The following ARHGAP21 variants were observed in gnomAD, a reference collection of about 807,000 sequenced individuals.
ARHGAP21 encodes rho GTPase-activating protein 21.
In ARHGAP21, 38 loss-of-function variants were observed where a neutral mutation model predicts 164.6. That is an observed-to-expected ratio of 0.23 (90% CI 0.18 to 0.30). ARHGAP21 has a LOEUF of 0.30. Among genes scored for constraint, ARHGAP21 ranks in the 10% least tolerant of loss-of-function variants. ARHGAP21 has a pLI of 1.00. For synonymous variants in ARHGAP21, 766 were observed against 857.9 expected (o/e 0.89, Z 1.87); for missense variants, 1,822 against 2,370.7 (o/e 0.77, Z 4.81).
rs768354691 is a variant in ARHGAP21 at position 24,585,544 on chromosome 10, G to A, written c.4745C>T (p.Thr1582Ile). The change falls in exon 26 of 26, where the codon ACC (threonine) becomes ATC (isoleucine). Residue 1582 changes from threonine (T) to isoleucine (I), a missense_variant. Thr to Ile is a moderately conservative substitution (Grantham distance 89). This residue lies in a region of ARHGAP21 where 333 missense variants were observed against 383.9 expected (regional missense o/e 0.87). Transcript: ENST00000396432. Reference protein sequence around the residue: ...KHSEFLANVSTITSDYSTTSS... With the variant: ...KHSEFLANVSIITSDYSTTSS... ...TGTGGTGGAATAATCTGAGGTGATG[G>A]TGCTGACGTTGGCCAAAAACTCGCT... The A allele has an allele frequency of 1.2e-6, 2 of 1,614,216 alleles. No homozygotes were observed. The highest frequency in any genetic ancestry group is 2.2e-5 in the East Asian group (1 of 44,884).
chr10:24,622,433 CAT>C lies in ARHGAP21; in HGVS notation c.525+298_525+299del, dbSNP rs10530408. 7.0e-3 allele frequency among the ~76,000 whole-genome samples: 624 copies of C among 89,012 alleles called. 1 individual carries two copies. Among genetic ancestry groups the C allele is most frequent in the Non-Finnish European group, 9.6e-3 (427 of 44,410 alleles). 58.4% of individuals were successfully genotyped at this position (89,012 alleles called of 152,430 possible). ...GGAAGAGGGTGAGATACTTAAAAAACATATATATATATATATATATATATATA... is the reference window on the plus strand; with the variant it reads ...GGAAGAGGGTGAGATACTTAAAAAACATATATATATATATATATATATATA... On this transcript the variant is annotated intron_variant, in intron 8 of 25. Coordinates refer to ENST00000396432, the MANE Select transcript of ARHGAP21 (RefSeq NM_020824.4).
Position 24,607,530 on chromosome 10 carries a change from C to T in ARHGAP21, c.2653G>A (p.Gly885Ser), listed in dbSNP as rs1490798271. Residue 885 changes from glycine to serine, a missense_variant, in exon 11 of 26, where the codon GGT (glycine) becomes AGT (serine). Transcript: ENST00000396432. ...GCATCTTCTCTGTAATCATCCAGAC[C>T]CTCATCATATGATTTTGATCTTTCT... The part of the protein sequence containing the change: ...KTERSKSYDE[G>S]LDDYREDAKL... The T allele has an allele frequency of 6.2e-7, 1 of 1,613,410 alleles. No individual in the cohort carries two copies. Among genetic ancestry groups the T allele is most frequent in the Non-Finnish European group, 8.5e-7 (1 of 1,179,970 alleles).
chr10:24,585,839 T>C lies in ARHGAP21; in HGVS notation c.4450A>G (p.Ser1484Gly), dbSNP rs2076079847. 6.2e-7 allele frequency: 1 copy of C among 1,613,900 alleles called. No individual in the cohort carries two copies. Among genetic ancestry groups the C allele is most frequent in the Non-Finnish European group, 8.5e-7 (1 of 1,179,904 alleles). Residue 1484 changes from serine to glycine, a missense_variant, in exon 26 of 26, where the codon AGC becomes GGC. By Grantham distance (56) the Ser-to-Gly change is moderately conservative. Transcript: ENST00000396432. ...GATATCTTTTCATCTTTTGTCGTGC[T>C]GGGGTCTTTCCTAGTGCTGTTTTCT... ...AKENSTRKDP[S>G]TTKDEKISLG...
chr10:24,618,530 G>C (rs1834212141), intron 9 of ARHGAP21, among the ~76,000 whole-genome samples: 1 of 152,142 alleles, frequency 6.6e-6, no homozygotes, highest in Admixed American at 6.5e-5. Flanking sequence ...TAAGATCTTT[G>C]AGCAGAGACC....
rs747185272 is a variant in ARHGAP21 at position 24,585,784 on chromosome 10, T to C, written c.4505A>G (p.Glu1502Gly). ...SLGKESTPSE[E>G]PSPPHNSKHN... ...TTTTGAGTTGTGTGGTGGTGAGGGTTCTTCAGAAGGCGTGCTCTCTTTTCC... is the reference window on the plus strand; with the variant it reads ...TTTTGAGTTGTGTGGTGGTGAGGGTCCTTCAGAAGGCGTGCTCTCTTTTCC... Residue 1502 changes from glutamate to glycine, a missense_variant, in exon 26 of 26, where the codon GAA becomes GGA. By Grantham distance (98) the Glu-to-Gly change is moderately conservative. Around this residue, in one of 5 missense-constraint regions of ARHGAP21, gnomAD observed 333 missense variants for 383.9 expected, o/e 0.87. Transcript: ENST00000396432. 4.3e-6 allele frequency: 7 copies of C among 1,613,996 alleles called. No individual in the cohort carries two copies. The Middle Eastern group carries it at 5.0e-4, about 114-fold the overall frequency.
chr10:24,630,004 G>T lies in ARHGAP21; in HGVS notation c.487C>A (p.Leu163Ile). ...GAATAAATAAAACTTACCACTTGGA[G>T]AATGTCTTCATCTTTTGGCATAACA... is the stretch of plus-strand genomic sequence containing the variant. The part of the protein sequence containing the change: ...LSVMPKDEDI[L>I]QVLQFTKDVT... The change falls in exon 7 of 26, where the codon CTC becomes ATC. Residue 163 changes from leucine to isoleucine, a missense_variant. Leu to Ile is a conservative substitution (Grantham distance 5). Around this residue, in one of 5 missense-constraint regions of ARHGAP21, gnomAD observed 1,090 missense variants for 1,378.9 expected, o/e 0.79. Coordinates refer to ENST00000396432, the MANE Select transcript of ARHGAP21 (RefSeq NM_020824.4). 6.4e-7 allele frequency: 1 copy of T among 1,568,232 alleles called. No homozygotes were observed. Among genetic ancestry groups the T allele is most frequent in the Non-Finnish European group, 8.7e-7 (1 of 1,151,930 alleles).
At position 24,606,510 on chromosome 10, in the gene ARHGAP21, G is replaced by A. The variant is rs73606518; in HGVS notation, c.2684+989C>T. Among the ~76,000 whole-genome samples the A allele has an allele frequency of 5.9e-3, 901 of 152,308 alleles. 11 individuals carry two copies. Among genetic ancestry groups the A allele is most frequent in the African/African-American group, 0.02 (829 of 41,560 alleles). ...ATGTATCAAACAATACACTGTGTTAGAGTGTAACAGCAGAGGCTTTTCTAT... is the reference window on the plus strand; with the variant it reads ...ATGTATCAAACAATACACTGTGTTAAAGTGTAACAGCAGAGGCTTTTCTAT... On this transcript the variant is annotated intron_variant, in intron 11 of 25. Coordinates refer to ENST00000396432, the MANE Select transcript of ARHGAP21 (RefSeq NM_020824.4).
intron 2 of ARHGAP21, among the ~76,000 whole-genome samples, chr10:24,687,490 A>C (rs1325909677): frequency 6.6e-6 from 1 of 152,248 alleles, no homozygotes; most frequent in Non-Finnish European, 1.5e-5. Flanking sequence ...CAGTGAGTGC[A>C]TATAGCACAT....
In ARHGAP21 at chr10:24,721,868, T is replaced by C. The variant is rs767912407; in HGVS notation, c.32A>G (p.Glu11Gly). The C allele has an allele frequency of 4.3e-6, 7 of 1,614,094 alleles. No homozygotes were observed. The East Asian group carries it at 1.6e-4, about 36-fold the overall frequency. The stretch of plus-strand genomic sequence containing the variant: ...GGCCTTGAGCTTGTCACCATCTCCC[T>C]CAGACAGACCAGTCCGACGCGTGGC... MMATRRTGLS[E>G]GDGDKLKACE... The change falls in exon 2 of 26, where the codon GAG (glutamate) becomes GGG (glycine). Residue 11 changes from glutamate to glycine, a missense_variant. Coordinates refer to ENST00000396432, the MANE Select transcript of ARHGAP21 (RefSeq NM_020824.4).
intron 7 of ARHGAP21, chr10:24,628,880 T>TAC (rs1554977620): frequency 1.7e-5 from 2 of 119,204 alleles, no homozygotes; most frequent in African/African-American, 3.4e-5. Flanking sequence ...CATACATATA[T>TAC]ACACATATAT....
In ARHGAP21 at chr10:24,584,803, T is replaced by A. The variant is rs927008596; in HGVS notation, c.5486A>T (p.Glu1829Val). 7.4e-6 allele frequency: 12 copies of A among 1,613,832 alleles called. No homozygotes were observed. The African/African-American group carries it at 1.6e-4, about 22-fold the overall frequency. Residue 1829 changes from glutamate (E) to valine (V), a missense_variant, in exon 26 of 26, where the codon GAA (glutamate) becomes GTA (valine). Coordinates refer to ENST00000396432, the MANE Select transcript of ARHGAP21 (RefSeq NM_020824.4). ...WKVHEQSGER[E>V]SELSAVNRLK... Reference sequence around the variant, plus strand: ...CCGGTTTACAGCTGAAAGTTCAGATTCTCTCTCCCCGCTCTGCTCATGCAC... The same window carrying A: ...CCGGTTTACAGCTGAAAGTTCAGATACTCTCTCCCCGCTCTGCTCATGCAC...
intron 7 of ARHGAP21, among the ~76,000 whole-genome samples, chr10:24,626,368 A>T (rs1835140015): frequency 6.6e-6 from 1 of 152,094 alleles, no homozygotes; most frequent in Non-Finnish European, 1.5e-5. Flanking sequence ...GAGTTAGGAG[A>T]TGGGGCCTCT....
chr10:24,669,480 T>TA (rs1284678208), intron 3 of ARHGAP21, among the ~76,000 whole-genome samples: 5 of 152,340 alleles, frequency 3.3e-5, no homozygotes, highest in African/African-American at 1.2e-4. Flanking sequence ...TACTATTGTG[T>TA]AATAGTTCAG....
chr10:24,722,451 A>G (rs1309479135), intron 1 of ARHGAP21, 172 bp from the exon 2 acceptor site: 2 of 155,702 alleles, frequency 1.3e-5, no homozygotes, highest in Non-Finnish European at 2.9e-5. Context: ...AAAAAGAGAA[A>G]TCTCGAAACT....
At chr10:24,607,432 A>ATT in intron 11 of ARHGAP21, 67 bp downstream of exon 11, 1 of 1,299,344 alleles carries the variant, frequency 7.7e-7, no homozygotes, top group Non-Finnish European at 1.1e-6. Flanking sequence ...TTCTGAACTT[A>ATT]TGTGTCAAGG....
At chr10:24,606,357 G>A (rs1407911115) in intron 11 of ARHGAP21, among the ~76,000 whole-genome samples, 1 of 151,912 alleles carries the variant, frequency 6.6e-6, no homozygotes, top group African/African-American at 2.4e-5. Flanking sequence ...AGAATCCATA[G>A]AAAATAGTCA....
At chr10:24,685,966 G>T (rs1565161553) in intron 2 of ARHGAP21, among the ~76,000 whole-genome samples, 1 of 152,020 alleles carries the variant, frequency 6.6e-6, no homozygotes, top group African/African-American at 2.4e-5. Context: ...AAATCAAATG[G>T]GAATTCACAT....
intron 19 of ARHGAP21, among the ~76,000 whole-genome samples, 200 bp from the exon 20 acceptor site, chr10:24,595,390 A>C (rs7902693): frequency 0.54 from 81,480 of 151,846 alleles, 22,085 homozygotes; most frequent in Middle Eastern, 0.58. Flanking sequence ...CCACCCTCCA[A>C]CAACATCTAG....
intron 9 of ARHGAP21, 66 bp downstream of exon 9, chr10:24,619,404 AAAT>A (rs1387152314): frequency 6.9e-7 from 1 of 1,458,482 alleles, no homozygotes; most frequent in Non-Finnish European, 9.3e-7. Context: ...ATTGAACTAG[AAAT>A]AATACTTTTC....
Sources: allele counts gnomAD v4.1 joint callset (sites outside exome capture counted in the v4.1 genomes callset), GRCh38; gene constraint gnomAD v4.1.1; regional missense constraint gnomAD v4.1.1; transcripts MANE v1.5; gene names NCBI Gene and HGNC (gene_info 2026-07-23, HGNC 2026-07-21).